The following SEMA6D variants were observed in gnomAD, a reference collection of about 807,000 sequenced individuals.
SEMA6D encodes semaphorin-6D.
Under a neutral mutation model 106.6 loss-of-function variants are expected in SEMA6D, and 35 were observed. The observed-to-expected ratio is 0.33, with a 90% confidence interval of 0.25 to 0.44. The LOEUF (loss-of-function observed/expected upper bound fraction) is 0.44. SEMA6D is among the 20% of genes least tolerant of loss of function. The pLI is 1.00. For missense variants in SEMA6D, 1,185 were observed against 1,345.9 expected (o/e 0.88, Z 1.87); for synonymous variants, 499 against 487.7 (o/e 1.02, Z -0.31).
At chr15:47,369,291 T>G (rs181675804) in intron 1 of SEMA6D, among the ~76,000 whole-genome samples, 136 of 152,326 alleles carry the variant, frequency 8.9e-4, no homozygotes, top group African/African-American at 3.1e-3. Context: ...TTGTCGAAAG[T>G]TGCATCTGGC....
Position 47,512,541 on chromosome 15 carries a change from C to A in SEMA6D, c.-87+41996C>A, listed in dbSNP as rs185941794. ...CATGTAGACAGGCAGCATCAGGAGA[C>A]AATGGCAATTCAGGGTTTGGGGAAA... On this transcript the variant is annotated intron_variant, in intron 3 of 19. Transcript: ENST00000558014. Among the ~76,000 whole-genome samples the A allele has an allele frequency of 5.6e-3, 850 of 152,256 alleles. 6 individuals carry two copies. The highest frequency in any genetic ancestry group is 0.015 in the Admixed American group (229 of 15,296).
chr15:47,585,440 T>A (rs2143005234), intron 3 of SEMA6D, among the ~76,000 whole-genome samples: 1 of 152,328 alleles, frequency 6.6e-6, no homozygotes, highest in East Asian at 1.9e-4. Flanking sequence ...ATGTCCCAAA[T>A]TCTCTCTGAC....
chr15:47,287,338 T>A (rs1186474495), intron 1 of SEMA6D, among the ~76,000 whole-genome samples: 2 of 152,182 alleles, frequency 1.3e-5, no homozygotes, highest in Non-Finnish European at 2.9e-5. Context: ...ATAACCTAGC[T>A]CATACTTAAA....
chr15:47,535,036 C>G (rs2045108420), intron 3 of SEMA6D, among the ~76,000 whole-genome samples: 1 of 141,742 alleles, frequency 7.1e-6, no homozygotes, highest in Admixed American at 7.3e-5. Flanking sequence ...CAGGATCAGT[C>G]AAGCAGGAGG....
intron 1 of SEMA6D, among the ~76,000 whole-genome samples, chr15:47,744,303 G>T (rs1161539773): frequency 6.6e-6 from 1 of 152,178 alleles, no homozygotes; most frequent in Non-Finnish European, 1.5e-5. Flanking sequence ...GAATATCAAT[G>T]AGAGCTAGGC....
intron 2 of SEMA6D, among the ~76,000 whole-genome samples, chr15:47,432,599 A>ATATACATATACACCTATATGCATATGTG (rs1278126542): frequency 4.6e-5 from 7 of 152,090 alleles, no homozygotes; most frequent in African/African-American, 1.4e-4. Context: ...ATGCATATGT[A>ATATACATATACACCTATATGCATATGTG]TATACATATA....
chr15:47,342,000 C>T (rs917755408), intron 1 of SEMA6D, among the ~76,000 whole-genome samples: 5 of 131,224 alleles, frequency 3.8e-5, no homozygotes, highest in Non-Finnish European at 7.7e-5. Context: ...ACATCCTTTA[C>T]CCTGTGTTTT....
In SEMA6D at chr15:47,326,017, C is replaced by T. The variant is rs1416528520; in HGVS notation, c.-238-86376C>T. Among the ~76,000 whole-genome samples, 6 of 152,276 alleles carry T rather than the reference C, an allele frequency of 3.9e-5. No individual in the cohort carries two copies. The East Asian group carries it at 1.2e-3, about 29-fold the overall frequency. On this transcript the variant is annotated intron_variant, in intron 1 of 19. Coordinates refer to the SEMA6D transcript ENST00000558014. ...GTAGGAAATTTCAGAAAAGTGCCTG[C>T]TACTAAATTACTTTGAACATTAGGG...
chr15:47,480,382 G>A (rs181977749), intron 3 of SEMA6D, among the ~76,000 whole-genome samples: 16 of 151,760 alleles, frequency 1.1e-4, no homozygotes, highest in African/African-American at 3.6e-4. Context: ...TGACAAAGTC[G>A]AATAACCTCA....
intron 1 of SEMA6D, among the ~76,000 whole-genome samples, chr15:47,400,138 A>C (rs2145970758): frequency 6.6e-6 from 1 of 152,314 alleles, no homozygotes; most frequent in East Asian, 1.9e-4. Context: ...TGGTGCTTTA[A>C]GTAAAAGAAC....
chr15:47,376,145 T>TTATTTCCAGGGAC (rs2039441846), intron 1 of SEMA6D, among the ~76,000 whole-genome samples: 1 of 152,210 alleles, frequency 6.6e-6, no homozygotes, highest in African/African-American at 2.4e-5. Flanking sequence ...ACCTGATCAG[T>TTATTTCCAGGGAC]TATTTCCAGG....
At chr15:47,318,417 C>CA (rs1397920897) in intron 1 of SEMA6D, among the ~76,000 whole-genome samples, 2 of 110,934 alleles carry the variant, frequency 1.8e-5, no homozygotes, top group African/African-American at 6.6e-5. Context: ...TCCCTCCCCC[C>CA]TCCCCCCACC....
chr15:47,504,486 T>A (rs2043968626), intron 3 of SEMA6D, among the ~76,000 whole-genome samples: 1 of 149,546 alleles, frequency 6.7e-6, no homozygotes, highest in Non-Finnish European at 1.5e-5. Flanking sequence ...TTATGGTTGA[T>A]GCTCTGATAG....
At chr15:47,335,473 G>A (rs540518205) in intron 1 of SEMA6D, among the ~76,000 whole-genome samples, 2 of 152,160 alleles carry the variant, frequency 1.3e-5, no homozygotes, top group African/African-American at 4.8e-5. Flanking sequence ...ATGCCAAGTG[G>A]AGCACCTCAG....
At chr15:47,395,688 C>T (rs1595897828) in intron 1 of SEMA6D, 1 of 152,144 alleles carries the variant, frequency 6.6e-6, no homozygotes, top group Non-Finnish European at 1.5e-5. Flanking sequence ...TACCAGTGGT[C>T]CTGGAAGACA....
intron 4 of SEMA6D, among the ~76,000 whole-genome samples, chr15:47,634,922 C>G: frequency 6.6e-6 from 1 of 152,160 alleles, no homozygotes; most frequent in East Asian, 1.9e-4. Flanking sequence ...GTGGAAGGTA[C>G]TGCCAAAAAA....
chr15:47,637,062 G>C (rs2077402098), intron 4 of SEMA6D, among the ~76,000 whole-genome samples: 1 of 152,130 alleles, frequency 6.6e-6, no homozygotes, highest in African/African-American at 2.4e-5. Context: ...GCCCAGGAGT[G>C]CCAGACTTAG....
rs2035576914 is a variant in SEMA6D at position 47,291,106 on chromosome 15, C to G, written c.-239+106688C>G. The stretch of plus-strand genomic sequence containing the variant: ...TCCACAGCATAATATTCCTCATATC[C>G]AACTTGGATACTTAATGGCAGGCAA... On this transcript the variant is annotated intron_variant, in intron 1 of 19. Transcript: ENST00000558014. Among the ~76,000 whole-genome samples, 3 of 152,052 alleles carry G rather than the reference C, an allele frequency of 2.0e-5. No homozygotes were observed. In the South Asian group the frequency reaches 6.2e-4, roughly 32 times the overall value.
chr15:47,522,764 G>A (rs2044629978), intron 3 of SEMA6D, among the ~76,000 whole-genome samples: 1 of 152,114 alleles, frequency 6.6e-6, no homozygotes, highest in Admixed American at 6.6e-5. Context: ...AATCAGGGAA[G>A]GAAAGCACGT....
Sources: allele counts gnomAD v4.1 joint callset (sites outside exome capture counted in the v4.1 genomes callset), GRCh38; gene constraint gnomAD v4.1.1; transcripts MANE v1.5; gene names NCBI Gene and HGNC (gene_info 2026-07-23, HGNC 2026-07-21).